The following MPRIP variants were observed in gnomAD, a reference collection of about 807,000 sequenced individuals.
The protein encoded by MPRIP is myosin phosphatase Rho interacting protein.
A neutral mutation model predicts 234.9 loss-of-function variants in MPRIP; 59 were observed. That is an observed-to-expected ratio of 0.25 (90% confidence interval 0.20 to 0.31). MPRIP has a LOEUF of 0.31. MPRIP is among the 10% of genes least tolerant of loss of function. MPRIP has a pLI of 1.00. For synonymous variants in MPRIP, 1,144 were observed against 1,263.9 expected (o/e 0.91, Z 2.01); for missense variants, 2,436 against 3,071.0 (o/e 0.79, Z 4.89).
At chr17:17,148,040 A>G (rs2045517018) in intron 11 of MPRIP, among the ~76,000 whole-genome samples, 1 of 152,230 alleles carries the variant, frequency 6.6e-6, no homozygotes, top group African/African-American at 2.4e-5. Context: ...CAGGTTAGTC[A>G]TTCCCACACG....
At chr17:17,066,625 G>A (rs1014476129) in intron 1 of MPRIP, among the ~76,000 whole-genome samples, 1 of 149,936 alleles carries the variant, frequency 6.7e-6, no homozygotes, top group African/African-American at 2.4e-5. Flanking sequence ...CTCAAACCAC[G>A]GATAGTACTG....
intron 3 of MPRIP, among the ~76,000 whole-genome samples, chr17:17,125,797 A>C (rs1455247639): frequency 6.6e-6 from 1 of 152,150 alleles, no homozygotes; most frequent in Admixed American, 6.5e-5. Context: ...CTTCTTCAAG[A>C]ATGAGAACAA....
At position 17,166,992 on chromosome 17, in the gene MPRIP, C is replaced by T; in HGVS notation, c.5401C>T (p.Pro1801Ser). Residue 1801 changes from proline to serine, a missense_variant, in exon 16 of 24, where the codon CCA becomes TCA. Transcript: ENST00000651222. This position sits in a 1 kb window ranked among gnomAD's most constrained non-coding sequence, Gnocchi z 4.4. ...SLLEEIAAAL[P>S]SLPPVESLRD... The stretch of plus-strand genomic sequence containing the variant: ...CTTAGAGGAGATAGCGGCTGCCTTA[C>T]CATCTCTGCCACCTGTGGAATCGCT... 1.5e-6 allele frequency: 2 copies of T among 1,304,240 alleles called. No homozygotes were observed. The highest frequency in any genetic ancestry group is 2.0e-6 in the Non-Finnish European group (2 of 988,950). The allele number at this position is 1,304,240 out of a possible 1,614,324, so 80.8% of individuals were successfully genotyped here.
intron 3 of MPRIP, among the ~76,000 whole-genome samples, chr17:17,084,954 C>T (rs1017829597): frequency 1.3e-5 from 2 of 152,222 alleles, no homozygotes; most frequent in Non-Finnish European, 2.9e-5. Flanking sequence ...CCTGGAGGCC[C>T]TTCATGTTTA....
At chr17:17,150,402 C>T (rs566183623) in intron 12 of MPRIP, among the ~76,000 whole-genome samples, 169 bp downstream of exon 12, 1 of 152,314 alleles carries the variant, frequency 6.6e-6, no homozygotes, top group African/African-American at 2.4e-5. Context: ...GCACCTGACC[C>T]TATTCCCCAA....
intron 3 of MPRIP, among the ~76,000 whole-genome samples, chr17:17,093,345 A>C (rs2089763657): frequency 1.3e-5 from 2 of 152,212 alleles, no homozygotes; most frequent in East Asian, 3.9e-4. Context: ...CCAATGAAGA[A>C]TTTTATGTAT....
intron 1 of MPRIP, among the ~76,000 whole-genome samples, chr17:17,053,544 C>G (rs1023857663): frequency 2.6e-5 from 4 of 152,210 alleles, no homozygotes; most frequent in South Asian, 2.1e-4. Context: ...GAAGCTCTCA[C>G]TTAGCATGCT....
At chr17:17,120,117 A>ACT (rs1398771086) in intron 3 of MPRIP, among the ~76,000 whole-genome samples, 5 of 151,352 alleles carry the variant, frequency 3.3e-5, no homozygotes, top group Non-Finnish European at 7.4e-5. Context: ...TAAAGGGAAG[A>ACT]CTCCCACCCA....
intron 23 of MPRIP, 130 bp downstream of exon 23, chr17:17,180,218 C>T (rs927799863): frequency 1.4e-5 from 11 of 767,100 alleles, no homozygotes; most frequent in East Asian, 2.7e-5. Flanking sequence ...TGAGCCAGCC[C>T]GAGCTCACCC....
At chr17:17,163,937 A>AG (rs1365211809) in intron 15 of MPRIP, among the ~76,000 whole-genome samples, 172 bp from the exon 16 acceptor site, 1 of 151,922 alleles carries the variant, frequency 6.6e-6, no homozygotes, top group Non-Finnish European at 1.5e-5. Context: ...CTAAAAAAAA[A>AG]AAAAAAGAAA....
intron 1 of MPRIP, among the ~76,000 whole-genome samples, chr17:17,066,714 T>C (rs1284305751): frequency 1.6e-5 from 2 of 121,934 alleles, no homozygotes; most frequent in Non-Finnish European, 3.3e-5. Context: ...CCACAGATAC[T>C]TTTTTCATCT....
intron 5 of MPRIP, among the ~76,000 whole-genome samples, chr17:17,135,654 T>A (rs2090680619): frequency 6.6e-6 from 1 of 152,180 alleles, no homozygotes; most frequent in South Asian, 2.1e-4. Context: ...AGGCCTCTTC[T>A]ATGAAGGCAC....
intron 13 of MPRIP, among the ~76,000 whole-genome samples, chr17:17,156,924 A>G (rs936908201): frequency 6.6e-6 from 1 of 152,058 alleles, no homozygotes; most frequent in Non-Finnish European, 1.5e-5. Context: ...GACGGCAACC[A>G]TTTCCTCTTT....
In MPRIP at chr17:17,058,568, G is replaced by A. The variant is rs531330581; in HGVS notation, c.123+15597G>A. ...AGCTCCAGGGACTGTGGGGAGTGGG[G>A]ACCCAGGGAGGGCTCCAGGTCCATT... On this transcript the variant is annotated intron_variant, in intron 1 of 23. Coordinates refer to ENST00000651222, the MANE Select transcript of MPRIP (RefSeq NM_001364716.4). 9.0e-3 allele frequency among the ~76,000 whole-genome samples: 1,376 copies of A among 152,206 alleles called. 11 individuals carry two copies. Among genetic ancestry groups the A allele is most frequent in the Middle Eastern group, 0.017 (5 of 294 alleles).
In MPRIP at chr17:17,064,292, CCTGGGTTGAA is replaced by C. The variant is rs2088957066; in HGVS notation, c.124-11417_124-11408del. On this transcript the variant is annotated intron_variant, in intron 1 of 23. Coordinates refer to ENST00000651222, the MANE Select transcript of MPRIP (RefSeq NM_001364716.4). The stretch of plus-strand genomic sequence containing the variant: ...TCTCGGCTCACTGCAACCTCCGCTT[CCTGGGTTGAA>C]GCGATTCTCCTGCCTCGGCGTCCCA... Among the ~76,000 whole-genome samples the C allele has an allele frequency of 2.6e-5, 4 of 151,476 alleles. No homozygotes were observed. The South Asian group carries it at 8.3e-4, about 31-fold the overall frequency.
rs1026184529 is a variant in MPRIP at position 17,166,127 on chromosome 17, C to T, written c.4536C>T (p.Leu1512=). 3.1e-6 allele frequency: 4 copies of T among 1,301,242 alleles called. 1 individual carries two copies. In the East Asian group the frequency reaches 1.7e-4, roughly 54 times the overall value. The allele number at this position is 1,301,242 out of a possible 1,614,324, so 80.6% of individuals were successfully genotyped here. ...AASLASVESA[L]VSAIQALQHW... is the part of the protein sequence containing the mutation. Reference sequence around the variant, plus strand: ...CCCTGGCCAGTGTGGAGAGTGCACTCGTCAGCGCCATCCAAGCCCTGCAGC... The same window carrying T: ...CCCTGGCCAGTGTGGAGAGTGCACTTGTCAGCGCCATCCAAGCCCTGCAGC... Residue 1512 remains leucine (L), a synonymous_variant, in exon 16 of 24, where the codon CTC becomes CTT. Transcript: ENST00000651222. This position sits in a 1 kb window ranked among gnomAD's most constrained non-coding sequence, Gnocchi z 4.4.
chr17:17,183,080 G>A (rs1461111686), intron 23 of MPRIP: 1 of 152,280 alleles, frequency 6.6e-6, no homozygotes, highest in Non-Finnish European at 1.5e-5. Context: ...GGTACATCTG[G>A]GCTCAGAATG....
At position 17,190,815 on chromosome 17, in the gene MPRIP, C is replaced by T. The variant is rs2046571997; in HGVS notation, c.*5921C>T. 1.3e-5 allele frequency: 2 copies of T among 152,204 alleles called. No individual in the cohort carries two copies. The highest frequency in any genetic ancestry group is 1.3e-4 in the Admixed American group (2 of 15,278). 9.4% of individuals were successfully genotyped at this position (152,204 alleles called of 1,614,324 possible). A position where few individuals can be genotyped will look rare whatever the true frequency, so the allele number is the denominator to read the frequency against. The stretch of plus-strand genomic sequence containing the variant: ...CAGTACTTTGTGAATACTTAAGCTA[C>T]TGCATGCTTGGTGTAGCTTGCAATT... On this transcript the variant is annotated 3_prime_UTR_variant, in exon 24 of 24. Transcript: ENST00000651222.
At chr17:17,115,853 G>T (rs1019916108) in intron 3 of MPRIP, among the ~76,000 whole-genome samples, 5 of 152,156 alleles carry the variant, frequency 3.3e-5, no homozygotes, top group Non-Finnish European at 5.9e-5. Flanking sequence ...GGTGGCCTAG[G>T]TGCTGATCAT....
Sources: allele counts gnomAD v4.1 joint callset (sites outside exome capture counted in the v4.1 genomes callset), GRCh38; gene constraint gnomAD v4.1.1; non-coding constraint Gnocchi (gnomAD v3.1); transcripts MANE v1.5; gene names NCBI Gene and HGNC (gene_info 2026-07-23, HGNC 2026-07-21).